The following DHX9 variants were observed in gnomAD, a reference collection of about 807,000 sequenced individuals.
The protein encoded by DHX9 is ATP-dependent RNA helicase A.
DHX9 carries 27 observed loss-of-function variants against 148.7 expected under a neutral mutation model. The ratio of observed to expected loss-of-function variants is 0.18; its 90% confidence interval spans 0.13 to 0.25. The LOEUF (loss-of-function observed/expected upper bound fraction) is 0.25, where lower values mean the gene tolerates loss of function less well. Ranked by LOEUF, DHX9 falls within the 10% of genes least tolerant of loss-of-function variation. The pLI is 1.00. For synonymous variants in DHX9, 529 were observed against 516.6 expected (o/e 1.02, Z -0.33); for missense variants, 796 against 1,559.6 (o/e 0.51, Z 8.25).
At chr1:182,859,855 C>T (rs916618472) in intron 11 of DHX9, 138 bp from the exon 12 acceptor site, 11 of 703,170 alleles carry the variant, frequency 1.6e-5, no homozygotes, top group African/African-American at 1.9e-5. Flanking sequence ...TCATGATCCT[C>T]AGCCTCCCAA....
chr1:182,864,552 T>C lies in DHX9; in HGVS notation c.1333-1892T>C, dbSNP rs150682431. On this transcript the variant is annotated intron_variant, in intron 12 of 27. Coordinates refer to ENST00000367549, the MANE Select transcript of DHX9 (RefSeq NM_001357.5). Reference sequence around the variant, plus strand: ...CCCCTGAAGAAAAATGACAGATTTCTAGTCAAATCAACTAGGGATGAAAAA... The same window carrying C: ...CCCCTGAAGAAAAATGACAGATTTCCAGTCAAATCAACTAGGGATGAAAAA... Among the ~76,000 whole-genome samples the C allele has an allele frequency of 2.0e-4, 30 of 152,392 alleles. 1 individual carries two copies. The East Asian group carries it at 4.0e-3, about 21-fold the overall frequency.
Position 182,844,545 on chromosome 1 carries a change from T to C in DHX9, c.252+1111T>C, listed in dbSNP as rs1188561216. On this transcript the variant is annotated intron_variant, in intron 3 of 27. Coordinates refer to ENST00000367549, the MANE Select transcript of DHX9 (RefSeq NM_001357.5). ...TAAGAAATAAGGTTTTTTTTGTTTG[T>C]TTGTTTGTTTTGTTTTTTAAGACGG... is the stretch of plus-strand genomic sequence containing the variant. 2.0e-5 allele frequency among the ~76,000 whole-genome samples: 3 copies of C among 152,034 alleles called. No homozygotes were observed. The East Asian group carries it at 5.8e-4, about 29-fold the overall frequency.
chr1:182,863,705 T>C (rs1648106655), intron 12 of DHX9, among the ~76,000 whole-genome samples: 1 of 152,166 alleles, frequency 6.6e-6, no homozygotes, highest in Admixed American at 6.5e-5. Context: ...TAAATAGTCA[T>C]TGATACGCTC....
chr1:182,859,883 C>G (rs1260443041), intron 11 of DHX9, 110 bp from the exon 12 acceptor site: 1 of 1,019,988 alleles, frequency 9.8e-7, no homozygotes, highest in Non-Finnish European at 1.4e-6. Context: ...GGATTACAGG[C>G]GTGAGCCACC....
intron 12 of DHX9, among the ~76,000 whole-genome samples, chr1:182,862,486 C>T (rs950245122): frequency 6.6e-6 from 1 of 152,160 alleles, no homozygotes; most frequent in Non-Finnish European, 1.5e-5. Flanking sequence ...GTAAATCAAG[C>T]ATATTAATGT....
intron 3 of DHX9, among the ~76,000 whole-genome samples, chr1:182,845,781 G>C (rs982912996): frequency 1.3e-5 from 2 of 152,152 alleles, no homozygotes; most frequent in African/African-American, 4.8e-5. Context: ...CAGAACTCAG[G>C]AAAACCTACA....
At chr1:182,880,138 A>G (rs1357669981) in intron 21 of DHX9, among the ~76,000 whole-genome samples, 1 of 152,222 alleles carries the variant, frequency 6.6e-6, no homozygotes, top group African/African-American at 2.4e-5. Context: ...ATGTAACTTC[A>G]GAATTTTCTC....
chr1:182,842,404 G>A (rs1473749694), intron 1 of DHX9, 141 bp from the exon 2 acceptor site: 1 of 521,706 alleles, frequency 1.9e-6, no homozygotes, highest in Non-Finnish European at 3.4e-6. Flanking sequence ...TTCCAATTAT[G>A]TCGTTAAAAT....
In DHX9 at chr1:182,853,321, T is replaced by C. The variant is rs776913631; in HGVS notation, c.380T>C (p.Val127Ala). The C allele has an allele frequency of 1.2e-5, 19 of 1,612,602 alleles. No homozygotes were observed. Among genetic ancestry groups the C allele is most frequent in the Admixed American group, 3.3e-5 (2 of 59,764 alleles). Reference sequence around the variant, plus strand: ...CTTTTAACAGAAAATAATTCTGAGGTAGGGGCCTCTGGCTATGGTGTTCCT... The same window carrying C: ...CTTTTAACAGAAAATAATTCTGAGGCAGGGGCCTCTGGCTATGGTGTTCCT... ...LALKAENNSE[V>A]GASGYGVPGP... is the part of the protein sequence containing the mutation. The change falls in exon 5 of 28, where the codon GTA (valine) becomes GCA (alanine). Residue 127 changes from valine (V) to alanine (A), a missense_variant. Physicochemically the swap from Val to Ala is moderately conservative, Grantham distance 64 (BLOSUM62 0). Transcript: ENST00000367549.
At chr1:182,886,806 A>C (rs1649351058) in intron 27 of DHX9, among the ~76,000 whole-genome samples, 1 of 152,208 alleles carries the variant, frequency 6.6e-6, no homozygotes, top group Non-Finnish European at 1.5e-5. Flanking sequence ...TGGAACACTT[A>C]TGTTATTGAA....
intron 6 of DHX9, 26 bp from the exon 7 acceptor site, chr1:182,856,506 A>C: frequency 6.2e-7 from 1 of 1,610,586 alleles, no homozygotes; most frequent in Non-Finnish European, 8.5e-7. Flanking sequence ...TGAAATTTCT[A>C]ACCTTGCTTG....
chr1:182,853,566 T>TA, intron 5 of DHX9, 148 bp downstream of exon 5: 1 of 576,090 alleles, frequency 1.7e-6, no homozygotes, highest in South Asian at 2.7e-5. Context: ...CAAGTCATCA[T>TA]AAAGCTAAAC....
At chr1:182,879,547 A>G (rs1272883794) in intron 21 of DHX9, 137 bp downstream of exon 21, 1 of 705,302 alleles carries the variant, frequency 1.4e-6, no homozygotes, top group Non-Finnish European at 2.0e-6. Context: ...TAAGGCCTCC[A>G]GTCTTACCTT....
At chr1:182,878,842 A>G (rs1162119172) in intron 20 of DHX9, among the ~76,000 whole-genome samples, 1 of 152,266 alleles carries the variant, frequency 6.6e-6, no homozygotes, top group African/African-American at 2.4e-5. Context: ...TTCTAGTGGC[A>G]CTAAAATTAC....
chr1:182,851,530 TAGAA>T (rs1557966101), intron 3 of DHX9, among the ~76,000 whole-genome samples: 2 of 152,326 alleles, frequency 1.3e-5, no homozygotes, highest in East Asian at 3.9e-4. Flanking sequence ...ATTGCTGAAT[TAGAA>T]AGTAAAAATA....
chr1:182,858,667 T>C, intron 9 of DHX9, 27 bp downstream of exon 9: 1 of 1,609,738 alleles, frequency 6.2e-7, no homozygotes, highest in Non-Finnish European at 8.5e-7. Flanking sequence ...TTAGTTCACA[T>C]TTACGTAGAA....
intron 12 of DHX9, among the ~76,000 whole-genome samples, chr1:182,863,632 T>C (rs186285315): frequency 6.6e-6 from 1 of 152,166 alleles, no homozygotes; most frequent in Non-Finnish European, 1.5e-5. Context: ...AGTGATAGAT[T>C]ATTTAAGGGA....
chr1:182,874,914 A>G lies in DHX9; in HGVS notation c.1775A>G (p.Lys592Arg), dbSNP rs761155934. 3 of 1,613,512 alleles carry G rather than the reference A, an allele frequency of 1.9e-6. No homozygotes were observed. The highest frequency in any genetic ancestry group is 2.5e-6 in the Non-Finnish European group (3 of 1,179,562). ...TTTGTTCCTCCACCAAAAGACAAAAAGAAGAAGGATAAGGATGATGATGGT... is the reference window on the plus strand; with the variant it reads ...TTTGTTCCTCCACCAAAAGACAAAAGGAAGAAGGATAAGGATGATGATGGT... ...THFVPPPKDK[K>R]KKDKDDDGGE... Residue 592 changes from lysine (K) to arginine (R), a missense_variant, in exon 16 of 28, where the codon AAG becomes AGG. Physicochemically the swap from Lys to Arg is conservative, Grantham distance 26 (BLOSUM62 2). Around this residue, in one of 14 missense-constraint regions of DHX9, gnomAD observed 133 missense variants for 223.8 expected, o/e 0.59. Coordinates refer to ENST00000367549, the MANE Select transcript of DHX9 (RefSeq NM_001357.5).
chr1:182,869,294 G>T (rs1648441120), intron 14 of DHX9, among the ~76,000 whole-genome samples: 1 of 152,090 alleles, frequency 6.6e-6, no homozygotes, highest in Admixed American at 6.5e-5. Context: ...ATCCGGTTCG[G>T]CCCAGTCTGG....
Sources: gnomAD v4.1 joint callset for allele counts (sites outside exome capture counted in the v4.1 genomes callset) on GRCh38, gnomAD v4.1.1 for gene constraint, gnomAD v4.1.1 regional missense constraint, MANE v1.5 for transcripts, NCBI Gene and HGNC (gene_info 2026-07-23, HGNC 2026-07-21) for gene names.